Variants in HLCS observed in about 807,000 individuals in gnomAD.
The protein encoded by HLCS is holocarboxylase synthetase.
A neutral mutation model predicts 75.0 loss-of-function variants in HLCS; 53 were observed. That is an observed-to-expected ratio of 0.71 (90% CI 0.57 to 0.89). The LOEUF is 0.89. HLCS is among the 40% of genes least tolerant of loss of function. The pLI is 0.00. For synonymous variants in HLCS, 431 were observed against 428.6 expected (o/e 1.01, Z -0.07); for missense variants, 966 against 1,074.0 (o/e 0.90, Z 1.41).
chr21:36,820,234 A>C (rs1477769416), intron 6 of HLCS, among the ~76,000 whole-genome samples: 1 of 152,244 alleles, frequency 6.6e-6, no homozygotes, highest in Non-Finnish European at 1.5e-5. Context: ...TGCCAGCTGC[A>C]GCGGAGGAGG....
chr21:36,789,634 G>A (rs2060797974), intron 6 of HLCS, among the ~76,000 whole-genome samples: 1 of 152,192 alleles, frequency 6.6e-6, no homozygotes, highest in African/African-American at 2.4e-5. Flanking sequence ...TAAAAATTAT[G>A]AGAGTAATCC....
At position 36,750,982 on chromosome 21, in the gene HLCS, T is replaced by C. The variant is rs755623732; in HGVS notation, c.*3264A>G. 7.2e-5 allele frequency: 11 copies of C among 152,090 alleles called. No homozygotes were observed. Among genetic ancestry groups the C allele is most frequent in the Non-Finnish European group, 1.3e-4 (9 of 68,024 alleles). 9.4% of individuals were successfully genotyped at this position (152,090 alleles called of 1,614,324 possible). A position where few individuals can be genotyped will look rare whatever the true frequency, so the allele number is the denominator to read the frequency against. The stretch of plus-strand genomic sequence containing the variant: ...GTTCTTTGGAGTAATAATATTTCTC[T>C]TGTGTATGGCGCTGAATACATTTGT... On this transcript the variant is annotated 3_prime_UTR_variant, in exon 11 of 11. Coordinates refer to ENST00000674895, the MANE Select transcript of HLCS (RefSeq NM_001352514.2).
At chr21:36,989,800 G>C (rs968608857) in intron 1 of HLCS, among the ~76,000 whole-genome samples, 5 of 152,142 alleles carry the variant, frequency 3.3e-5, no homozygotes, top group African/African-American at 1.2e-4. Context: ...ACGCGGCCAG[G>C]GGCCCGTGGG....
At chr21:36,950,467 CT>C (rs200926854) in intron 2 of HLCS, among the ~76,000 whole-genome samples, 4,410 of 145,652 alleles carry the variant, frequency 0.03, 202 homozygotes, top group African/African-American at 0.097. Flanking sequence ...GAGAACCAAT[CT>C]TTTTTTTTTT....
chr21:36,793,295 C>CTT (rs761549990), intron 6 of HLCS, among the ~76,000 whole-genome samples: 6,164 of 116,168 alleles, frequency 0.053, 387 homozygotes, highest in South Asian at 0.18. Flanking sequence ...AGGAAGCAGT[C>CTT]TTTTTTTTTT....
intron 6 of HLCS, among the ~76,000 whole-genome samples, chr21:36,855,044 G>A (rs1454919967): frequency 3.3e-5 from 5 of 152,096 alleles, no homozygotes; most frequent in African/African-American, 4.8e-5. Context: ...ATAGTGTCCA[G>A]GCTGCCCAAG....
chr21:36,870,411 A>G (rs2063729641), intron 6 of HLCS, among the ~76,000 whole-genome samples: 1 of 152,126 alleles, frequency 6.6e-6, no homozygotes, highest in Non-Finnish European at 1.5e-5. Context: ...TTTCTTAGTT[A>G]TTACTTGCAT....
chr21:36,810,102 C>T (rs1275824176), intron 6 of HLCS, among the ~76,000 whole-genome samples: 1 of 152,192 alleles, frequency 6.6e-6, no homozygotes, highest in Non-Finnish European at 1.5e-5. Flanking sequence ...ATCTGCTTCC[C>T]CTTGGGGTTG....
chr21:36,918,354 A>G (rs1164653025), intron 5 of HLCS, among the ~76,000 whole-genome samples: 1 of 152,264 alleles, frequency 6.6e-6, no homozygotes, highest in Non-Finnish European at 1.5e-5. Flanking sequence ...GGATATAAAT[A>G]GAGGAATGAT....
intron 6 of HLCS, among the ~76,000 whole-genome samples, chr21:36,886,368 G>C (rs1188170264): frequency 1.4e-5 from 2 of 146,776 alleles, no homozygotes; most frequent in African/African-American, 5.0e-5. Flanking sequence ...GGAAGGCAGA[G>C]CTTGCAGCGA....
intron 6 of HLCS, among the ~76,000 whole-genome samples, chr21:36,822,815 A>G (rs2061888087): frequency 6.6e-6 from 1 of 152,248 alleles, no homozygotes; most frequent in Non-Finnish European, 1.5e-5. Flanking sequence ...AACAAGAACA[A>G]GACAAGATCT....
At chr21:36,768,671 A>G (rs986446577) in intron 6 of HLCS, among the ~76,000 whole-genome samples, 6 of 152,244 alleles carry the variant, frequency 3.9e-5, no homozygotes, top group African/African-American at 1.2e-4. Context: ...GCTTTCGGCG[A>G]GCAGGCTGGC....
At chr21:36,798,096 C>T (rs1182738629) in intron 6 of HLCS, among the ~76,000 whole-genome samples, 1 of 152,128 alleles carries the variant, frequency 6.6e-6, no homozygotes, top group African/African-American at 2.4e-5. Context: ...TGGCAAGGAA[C>T]GATCCGGGCA....
chr21:36,788,258 C>T (rs1428843279), intron 6 of HLCS, among the ~76,000 whole-genome samples: 14 of 152,206 alleles, frequency 9.2e-5, no homozygotes, highest in Admixed American at 8.5e-4. Flanking sequence ...CACCTCACTC[C>T]CACACATGCT....
intron 1 of HLCS, among the ~76,000 whole-genome samples, chr21:36,962,431 G>A (rs1359813787): frequency 6.6e-6 from 1 of 152,106 alleles, no homozygotes; most frequent in Non-Finnish European, 1.5e-5. Context: ...ATTCTGAAAC[G>A]GGGCCTATCC....
chr21:36,823,614 T>G (rs896890527), intron 6 of HLCS, among the ~76,000 whole-genome samples: 1 of 129,066 alleles, frequency 7.7e-6, no homozygotes, highest in African/African-American at 3.0e-5. Context: ...GTGCAGGGTG[T>G]GTGTGTGTGT....
At chr21:36,780,095 C>T (rs2060480664) in intron 6 of HLCS, among the ~76,000 whole-genome samples, 1 of 152,148 alleles carries the variant, frequency 6.6e-6, no homozygotes, top group Admixed American at 6.5e-5. Context: ...TTGTCTCCCC[C>T]ATCCACCTAC....
intron 6 of HLCS, among the ~76,000 whole-genome samples, chr21:36,801,174 T>C (rs1416781139): frequency 6.6e-6 from 1 of 152,202 alleles, no homozygotes; most frequent in Non-Finnish European, 1.5e-5. Flanking sequence ...GGTCAATCAC[T>C]GGTAAGCCGT....
intron 6 of HLCS, among the ~76,000 whole-genome samples, chr21:36,832,762 T>C (rs1426824590): frequency 6.6e-6 from 1 of 152,206 alleles, no homozygotes; most frequent in Admixed American, 6.5e-5. Flanking sequence ...CATTTAGCAA[T>C]ATCATGCTAA....
Sources: gnomAD v4.1 joint callset for allele counts (sites outside exome capture counted in the v4.1 genomes callset) on GRCh38, gnomAD v4.1.1 for gene constraint, MANE v1.5 for transcripts, NCBI Gene and HGNC (gene_info 2026-07-23, HGNC 2026-07-21) for gene names.